The following SCRT1 variants were observed in gnomAD, a reference collection of about 807,000 sequenced individuals.
SCRT1 encodes the protein scratch family transcriptional repressor 1, also known as transcriptional repressor scratch 1.
A neutral mutation model predicts 3.4 loss-of-function variants in SCRT1; 1 was observed. The observed-to-expected ratio is 0.29, with a 90% CI of 0.10 to 1.39. The LOEUF (loss-of-function observed/expected upper bound fraction) is 1.39, where lower values mean the gene tolerates loss of function less well. Among genes scored for constraint, SCRT1 ranks in the 40% most tolerant of loss-of-function variants. SCRT1 has a pLI of 0.42. For missense variants in SCRT1, 380 were observed against 526.3 expected (o/e 0.72, Z 2.72); for synonymous variants, 238 against 247.0 (o/e 0.96, Z 0.34).
In SCRT1 at chr8:144,331,161, G is replaced by C. The variant is rs1817737037; in HGVS notation, c.*2024C>G. On this transcript the variant is annotated 3_prime_UTR_variant, in exon 2 of 2. Coordinates refer to ENST00000569446, the MANE Select transcript of SCRT1 (RefSeq NM_031309.6). ...GGTGTTTGGATGTGGGCACTGCTGT[G>C]CAGAGCGGTGGGTCATCCTTGTGGG... 1 of 152,442 alleles carries C rather than the reference G, an allele frequency of 6.6e-6. No individual in the cohort carries two copies. Among genetic ancestry groups the C allele is most frequent in the Non-Finnish European group, 1.5e-5 (1 of 68,084 alleles). The allele number at this position is 152,442 out of a possible 1,614,324, so 9.4% of individuals were successfully genotyped here. A position where few individuals can be genotyped will look rare whatever the true frequency, so the allele number is the denominator to read the frequency against.
rs1046571793 is a variant in SCRT1, at chr8:144,332,818, A to C, written c.*367T>G. 1.5e-5 allele frequency: 3 copies of C among 198,370 alleles called. No individual in the cohort carries two copies. The highest frequency in any genetic ancestry group is 2.0e-5 in the Non-Finnish European group (2 of 98,290). The allele number at this position is 198,370 out of a possible 1,614,324, so 12.3% of individuals were successfully genotyped here. A position where few individuals can be genotyped will look rare whatever the true frequency, so the allele number is the denominator to read the frequency against. ...GGTGGGGAAGACCTGAGTCCCTGCG[A>C]CGCGATCCAGGGGCGCAGAGGCGGG... On this transcript the variant is annotated 3_prime_UTR_variant, in exon 2 of 2. Coordinates refer to ENST00000569446, the MANE Select transcript of SCRT1 (RefSeq NM_031309.6).
In SCRT1 at chr8:144,331,831, T is replaced by C. The variant is rs1327438932; in HGVS notation, c.*1354A>G. ...CTCTAGAGGCGGCGGCAGCTTCGCATGCAGTGCGCATTATTGCTCTATAGT... is the reference window on the plus strand; with the variant it reads ...CTCTAGAGGCGGCGGCAGCTTCGCACGCAGTGCGCATTATTGCTCTATAGT... On this transcript the variant is annotated 3_prime_UTR_variant, in exon 2 of 2. Coordinates refer to ENST00000569446, the MANE Select transcript of SCRT1 (RefSeq NM_031309.6). 6.6e-6 allele frequency: 1 copy of C among 152,378 alleles called. No individual in the cohort carries two copies. Among genetic ancestry groups the C allele is most frequent in the Non-Finnish European group, 1.5e-5 (1 of 68,026 alleles). The allele number at this position is 152,378 out of a possible 1,614,324, so 9.4% of individuals were successfully genotyped here. A position where few individuals can be genotyped will look rare whatever the true frequency, so the allele number is the denominator to read the frequency against.
chr8:144,336,394 C>T lies in SCRT1; in HGVS notation c.-225G>A, dbSNP rs1458545626. On this transcript the variant is annotated 5_prime_UTR_variant, in exon 1 of 2. Transcript: ENST00000569446. The surrounding 1 kb of genome is among the most constrained non-coding windows in gnomAD (Gnocchi z 6.8). ...TCCTCCTTCCTTCAATCCTTCCTTCCTTCCTTCAATCCTTCCTTCCTTCTC... is the reference window on the plus strand; with the variant it reads ...TCCTCCTTCCTTCAATCCTTCCTTCTTTCCTTCAATCCTTCCTTCCTTCTC... The T allele has an allele frequency of 1.1e-5, 5 of 470,620 alleles. No individual in the cohort carries two copies. The highest frequency in any genetic ancestry group is 1.1e-4 in the South Asian group (4 of 37,914). 29.2% of individuals were successfully genotyped at this position (470,620 alleles called of 1,614,324 possible). A position where few individuals can be genotyped will look rare whatever the true frequency, so the allele number is the denominator to read the frequency against.
At position 144,336,480 on chromosome 8, in the gene SCRT1, A is replaced by C. The variant is rs1457164047; in HGVS notation, c.-311T>G. 6.7e-6 allele frequency among the ~76,000 whole-genome samples: 1 copy of C among 150,066 alleles called. No individual in the cohort carries two copies. Among genetic ancestry groups the C allele is most frequent in the Non-Finnish European group, 1.5e-5 (1 of 67,468 alleles). ...CTCTGGTCCCGGCTTCCCAGCCCGCAGTGCCGCCCCTGGACAGGCGGGGGA... is the reference window on the plus strand; with the variant it reads ...CTCTGGTCCCGGCTTCCCAGCCCGCCGTGCCGCCCCTGGACAGGCGGGGGA... On this transcript the variant is annotated 5_prime_UTR_variant, in exon 1 of 2. Transcript: ENST00000569446. The surrounding 1 kb of genome is among the most constrained non-coding windows in gnomAD (Gnocchi z 6.8).
At position 144,336,196 on chromosome 8, in the gene SCRT1, G is replaced by A; in HGVS notation, c.-27C>T. 6.6e-7 allele frequency: 1 copy of A among 1,513,010 alleles called. No homozygotes were observed. 93.7% of individuals were successfully genotyped at this position (1,513,010 alleles called of 1,614,324 possible). A position where few individuals can be genotyped will look rare whatever the true frequency, so the allele number is the denominator to read the frequency against. ...ATTCCTGCGGGGCTCCGGCGCTGTG[G>A]GCCTGCGGAGCCGGGGCTTGGGGGG... is the stretch of plus-strand genomic sequence containing the variant. On this transcript the variant is annotated 5_prime_UTR_variant, in exon 1 of 2. Transcript: ENST00000569446. This position sits in a 1 kb window ranked among gnomAD's most constrained non-coding sequence, Gnocchi z 6.8.
At position 144,333,275 on chromosome 8, in the gene SCRT1, G is replaced by C. The variant is rs1554849826; in HGVS notation, c.957C>G (p.Leu319=). The C allele has an allele frequency of 6.2e-7, 1 of 1,612,370 alleles. No individual in the cohort carries two copies. The highest frequency in any genetic ancestry group is 2.2e-5 in the East Asian group (1 of 44,838). ...AGCAGGCCGACTCGTAGTGCTTGTT[G>C]AGATAGGACTTGAGCGCGAAGCTCT... ...CKKSFALKSY[L]NKHYESACFK... The change falls in exon 2 of 2, where the codon CTC becomes CTG. Residue 319 remains leucine (L), a synonymous_variant. Coordinates refer to ENST00000569446, the MANE Select transcript of SCRT1 (RefSeq NM_031309.6).
In SCRT1 at chr8:144,333,039, G is replaced by A; in HGVS notation, c.*146C>T. 1 of 674,210 alleles carries A rather than the reference G, an allele frequency of 1.5e-6. No individual in the cohort carries two copies. 41.8% of individuals were successfully genotyped at this position (674,210 alleles called of 1,614,324 possible). A position where few individuals can be genotyped will look rare whatever the true frequency, so the allele number is the denominator to read the frequency against. ...AAGGGGCCGGCAAGGCCCCTGGCGG[G>A]CGGGGCGGGGTGGGACCGGGCCCCC... On this transcript the variant is annotated 3_prime_UTR_variant, in exon 2 of 2. Coordinates refer to ENST00000569446, the MANE Select transcript of SCRT1 (RefSeq NM_031309.6).
Position 144,331,341 on chromosome 8 carries a change from G to T in SCRT1, c.*1844C>A, listed in dbSNP as rs1177871753. On this transcript the variant is annotated 3_prime_UTR_variant, in exon 2 of 2. Coordinates refer to ENST00000569446, the MANE Select transcript of SCRT1 (RefSeq NM_031309.6). Reference sequence around the variant, plus strand: ...TGGCCACCTGTGTGGGGGCCCAGGAGCCCTGGATCTGTCCCCCTCAGCTGG... The same window carrying T: ...TGGCCACCTGTGTGGGGGCCCAGGATCCCTGGATCTGTCCCCCTCAGCTGG... 2.0e-5 allele frequency: 3 copies of T among 152,274 alleles called. No individual in the cohort carries two copies. The highest frequency in any genetic ancestry group is 7.2e-5 in the African/African-American group (3 of 41,440). 9.4% of individuals were successfully genotyped at this position (152,274 alleles called of 1,614,324 possible). A position where few individuals can be genotyped will look rare whatever the true frequency, so the allele number is the denominator to read the frequency against.
In SCRT1 at chr8:144,332,971, G is replaced by A; in HGVS notation, c.*214C>T. On this transcript the variant is annotated 3_prime_UTR_variant, in exon 2 of 2. Transcript: ENST00000569446. ...GCCGGGGGCACCCTGGAGGGGAGGG[G>A]AGGGGGCTCGGGGTGGGTCTCCCCT... 4.0e-6 allele frequency: 2 copies of A among 504,846 alleles called. No homozygotes were observed. The highest frequency in any genetic ancestry group is 3.5e-6 in the Non-Finnish European group (1 of 289,402). The allele number at this position is 504,846 out of a possible 1,614,324, so 31.3% of individuals were successfully genotyped here.
rs868914904 is a variant in SCRT1 at position 144,331,057 on chromosome 8, C to G, written c.*2128G>C. 36 of 152,450 alleles carry G rather than the reference C, an allele frequency of 2.4e-4. No individual in the cohort carries two copies. Among genetic ancestry groups the G allele is most frequent in the African/African-American group, 8.5e-4 (35 of 41,420 alleles). The allele number at this position is 152,450 out of a possible 1,614,324, so 9.4% of individuals were successfully genotyped here. ...ATGGGGTGGGGTGAGGTGGGGGCGC[C>G]TGTGTGTGCGTGTGCATGCGGCACA... is the stretch of plus-strand genomic sequence containing the variant. On this transcript the variant is annotated 3_prime_UTR_variant, in exon 2 of 2. Transcript: ENST00000569446.
Position 144,334,089 on chromosome 8 carries a change from G to T in SCRT1, c.143C>A (p.Ser48Ter). Residue 48 changes from serine to a stop codon, truncating the protein, a stop_gained, in exon 2 of 2, where the codon TCG (serine) becomes TAG (stop). Transcript: ENST00000569446. LOFTEE classifies it low-confidence loss of function (END_TRUNC). ...CTCGGCGTCGCCATCGTAGACGGAC[G>T]AGGGCCCCACGTAGTCGCTGAGGTA... The part of the protein sequence containing the change: ...KGYLSDYVGP[S>*]SVYDGDAEAA... The T allele has an allele frequency of 1.3e-6, 2 of 1,537,032 alleles. No homozygotes were observed. The highest frequency in any genetic ancestry group is 2.0e-5 in the Admixed American group (1 of 50,706).
In SCRT1 at chr8:144,335,880, C is replaced by T. The variant is rs1242336022; in HGVS notation, c.115+175G>A. On this transcript the variant is annotated intron_variant, in intron 1 of 1. Transcript: ENST00000569446. The surrounding 1 kb of genome is among the most constrained non-coding windows in gnomAD (Gnocchi z 7.7). ...CGACACTCTCCCTGCCCAGCCTTGG[C>T]CTCTGTGTTCCCCTTCCTCCCCTCT... Among the ~76,000 whole-genome samples, 2 of 152,236 alleles carry T rather than the reference C, an allele frequency of 1.3e-5. No homozygotes were observed. Among genetic ancestry groups the T allele is most frequent in the Non-Finnish European group, 2.9e-5 (2 of 68,028 alleles).
At position 144,332,791 on chromosome 8, in the gene SCRT1, G is replaced by A. The variant is rs868944216; in HGVS notation, c.*394C>T. On this transcript the variant is annotated 3_prime_UTR_variant, in exon 2 of 2. Coordinates refer to ENST00000569446, the MANE Select transcript of SCRT1 (RefSeq NM_031309.6). ...GGCCCTGCGCTAGAAGGCTTGGGAA[G>A]GGGTGGGGAAGACCTGAGTCCCTGC... 5 of 172,046 alleles carry A rather than the reference G, an allele frequency of 2.9e-5. No homozygotes were observed. The highest frequency in any genetic ancestry group is 6.1e-5 in the Non-Finnish European group (5 of 81,438). The allele number at this position is 172,046 out of a possible 1,614,324, so 10.7% of individuals were successfully genotyped here.
rs375366477 is a variant in SCRT1 at position 144,336,180 on chromosome 8, G to C, written c.-11C>G. 5.1e-6 allele frequency: 8 copies of C among 1,572,438 alleles called. No homozygotes were observed. In the African/African-American group the frequency reaches 9.5e-5, roughly 19 times the overall value. ...GAAGGACCTGGGCATGATTCCTGCGGGGCTCCGGCGCTGTGGGCCTGCGGA... is the reference window on the plus strand; with the variant it reads ...GAAGGACCTGGGCATGATTCCTGCGCGGCTCCGGCGCTGTGGGCCTGCGGA... On this transcript the variant is annotated 5_prime_UTR_variant, in exon 1 of 2. Coordinates refer to ENST00000569446, the MANE Select transcript of SCRT1 (RefSeq NM_031309.6). The surrounding 1 kb of genome is among the most constrained non-coding windows in gnomAD (Gnocchi z 6.8).
At position 144,333,168 on chromosome 8, in the gene SCRT1, G is replaced by T; in HGVS notation, c.*17C>A. ...GTATTGCTGAGAGCCGACCTGGCTG[G>T]GGGAGGCCCCGCCGCCCTAGGCCTG... On this transcript the variant is annotated 3_prime_UTR_variant, in exon 2 of 2. Coordinates refer to ENST00000569446, the MANE Select transcript of SCRT1 (RefSeq NM_031309.6). 6.7e-7 allele frequency: 1 copy of T among 1,490,834 alleles called. No individual in the cohort carries two copies. The highest frequency in any genetic ancestry group is 2.4e-5 in the East Asian group (1 of 41,242). The allele number at this position is 1,490,834 out of a possible 1,614,324, so 92.4% of individuals were successfully genotyped here.
rs1186843247 is a variant in SCRT1, at chr8:144,331,714, G to A, written c.*1471C>T. 1 of 152,372 alleles carries A rather than the reference G, an allele frequency of 6.6e-6. No individual in the cohort carries two copies. Among genetic ancestry groups the A allele is most frequent in the Admixed American group, 6.5e-5 (1 of 15,286 alleles). 9.4% of individuals were successfully genotyped at this position (152,372 alleles called of 1,614,324 possible). A position where few individuals can be genotyped will look rare whatever the true frequency, so the allele number is the denominator to read the frequency against. On this transcript the variant is annotated 3_prime_UTR_variant, in exon 2 of 2. Coordinates refer to ENST00000569446, the MANE Select transcript of SCRT1 (RefSeq NM_031309.6). ...CTGCCGTGGGGGTCGGGGAGGGGTG[G>A]GGAGAAAGTCTGCGCGGCCGGCCCC...
Position 144,333,002 on chromosome 8 carries a change from C to T in SCRT1, c.*183G>A. On this transcript the variant is annotated 3_prime_UTR_variant, in exon 2 of 2. Transcript: ENST00000569446. ...GCTCGGGGTGGGTCTCCCCTCGGGA[C>T]CCTATTGCTTGAAGGGGCCGGCAAG... The T allele has an allele frequency of 3.5e-6, 2 of 569,076 alleles. No individual in the cohort carries two copies. Among genetic ancestry groups the T allele is most frequent in the Non-Finnish European group, 6.0e-6 (2 of 334,014 alleles). 35.3% of individuals were successfully genotyped at this position (569,076 alleles called of 1,614,324 possible).
chr8:144,333,083 G>A lies in SCRT1; in HGVS notation c.*102C>T. 2 of 1,045,164 alleles carry A rather than the reference G, an allele frequency of 1.9e-6. No homozygotes were observed. The highest frequency in any genetic ancestry group is 1.7e-5 in the South Asian group (1 of 57,584). The allele number at this position is 1,045,164 out of a possible 1,614,324, so 64.7% of individuals were successfully genotyped here. Reference sequence around the variant, plus strand: ...GGCCCCCCTCCCCCTATTGCTGTGAGGAGGGGCCCGCCCTCCGGCCCCTCC... The same window carrying A: ...GGCCCCCCTCCCCCTATTGCTGTGAAGAGGGGCCCGCCCTCCGGCCCCTCC... On this transcript the variant is annotated 3_prime_UTR_variant, in exon 2 of 2. Coordinates refer to ENST00000569446, the MANE Select transcript of SCRT1 (RefSeq NM_031309.6).
Position 144,333,839 on chromosome 8 carries a change from G to T in SCRT1, c.393C>A (p.Ala131=), listed in dbSNP as rs1205044171. 1 of 1,232,090 alleles carries T rather than the reference G, an allele frequency of 8.1e-7. No homozygotes were observed. Among genetic ancestry groups the T allele is most frequent in the East Asian group, 3.2e-5 (1 of 31,372 alleles). 76.3% of individuals were successfully genotyped at this position (1,232,090 alleles called of 1,614,324 possible). A position where few individuals can be genotyped will look rare whatever the true frequency, so the allele number is the denominator to read the frequency against. Residue 131 remains alanine, a synonymous_variant, in exon 2 of 2, where the codon GCC becomes GCA. Coordinates refer to ENST00000569446, the MANE Select transcript of SCRT1 (RefSeq NM_031309.6). ...DGRSRRKASN[A]GAAAAPSTAS... ...CTGTGGAGGGAGCGGCGGCAGCGCC[G>T]GCATTGGAAGCCTTACGCCGCGAGC...
Sources: gnomAD v4.1 joint callset for allele counts (sites outside exome capture counted in the v4.1 genomes callset) on GRCh38, gnomAD v4.1.1 for gene constraint, Gnocchi (gnomAD v3.1) non-coding constraint, MANE v1.5 for transcripts, NCBI Gene and HGNC (gene_info 2026-07-23, HGNC 2026-07-21) for gene names.